ARID4B: variants seen among roughly 807,000 people sequenced by gnomAD.
The protein encoded by ARID4B is AT-rich interactive domain-containing protein 4B.
A neutral mutation model predicts 147.5 loss-of-function variants in ARID4B; 26 were observed. The observed-to-expected ratio is 0.18, with a 90% CI of 0.13 to 0.24. The LOEUF (loss-of-function observed/expected upper bound fraction) is 0.24, where lower values mean the gene tolerates loss of function less well. ARID4B is among the 10% of genes least tolerant of loss of function. The pLI is 1.00. For missense variants in ARID4B, 1,179 were observed against 1,511.5 expected (o/e 0.78, Z 3.65); for synonymous variants, 512 against 507.9 (o/e 1.01, Z -0.11).
At chr1:235,208,396 C>T (rs1666467831) in intron 17 of ARID4B, among the ~76,000 whole-genome samples, 1 of 151,942 alleles carries the variant, frequency 6.6e-6, no homozygotes, top group Admixed American at 6.6e-5. Flanking sequence ...AATAGAGAGC[C>T]TACTATTAAA....
intron 2 of ARID4B, among the ~76,000 whole-genome samples, chr1:235,298,700 T>C (rs1672926488): frequency 6.6e-6 from 1 of 152,010 alleles, no homozygotes; most frequent in African/African-American, 2.4e-5. Context: ...ATATAGCGTT[T>C]CATTCTACTT....
chr1:235,173,768 AAAAATATATATATATATATATATATATAT>A (rs1663592386), intron 22 of ARID4B, among the ~76,000 whole-genome samples: 3 of 44,226 alleles, frequency 6.8e-5, no homozygotes, highest in African/African-American at 4.2e-4. Flanking sequence ...AAAAAAAAAA[AAAAATATATATATATATATATATATATAT>A]ATATATATAT....
intron 9 of ARID4B, among the ~76,000 whole-genome samples, chr1:235,232,972 G>A (rs570539546): frequency 6.6e-6 from 1 of 151,984 alleles, no homozygotes; most frequent in Non-Finnish European, 1.5e-5. Context: ...CTAGTAGCTG[G>A]AATTACAGGC....
intron 2 of ARID4B, among the ~76,000 whole-genome samples, chr1:235,307,652 T>G (rs552294743): frequency 6.6e-6 from 1 of 152,182 alleles, no homozygotes; most frequent in African/African-American, 2.4e-5. Flanking sequence ...GCAGAAGAGA[T>G]AGGTTCTGAA....
chr1:235,202,040 C>T (rs988912327), intron 17 of ARID4B, among the ~76,000 whole-genome samples: 3 of 149,554 alleles, frequency 2.0e-5, no homozygotes, highest in Non-Finnish European at 4.4e-5. Flanking sequence ...ACAATATATA[C>T]ATATATATAC....
intron 2 of ARID4B, among the ~76,000 whole-genome samples, chr1:235,324,477 T>C (rs1159454817): frequency 6.6e-6 from 1 of 152,214 alleles, no homozygotes; most frequent in Non-Finnish European, 1.5e-5. Context: ...TACTACATAA[T>C]CTAACTTTCA....
intron 2 of ARID4B, among the ~76,000 whole-genome samples, chr1:235,318,482 A>G (rs1674595977): frequency 6.6e-6 from 1 of 152,084 alleles, no homozygotes; most frequent in Non-Finnish European, 1.5e-5. Flanking sequence ...AACACTTGCT[A>G]CTTCTTTCAC....
chr1:235,231,278 A>G lies in ARID4B; in HGVS notation c.666-89T>C, dbSNP rs566435266. On this transcript the variant is annotated intron_variant, in intron 9 of 23. Coordinates refer to ENST00000264183, the MANE Select transcript of ARID4B (RefSeq NM_016374.6). ...GAATCCAGATGATTACATATCACAGAAAGATACTGAAAATATGGGAATGTT... is the reference window on the plus strand; with the variant it reads ...GAATCCAGATGATTACATATCACAGGAAGATACTGAAAATATGGGAATGTT... 2.8e-5 allele frequency: 19 copies of G among 679,452 alleles called. No homozygotes were observed. In the South Asian group the frequency reaches 4.1e-4, roughly 15 times the overall value. 42.1% of individuals were successfully genotyped at this position (679,452 alleles called of 1,614,324 possible).
At chr1:235,222,357 C>G (rs1667527535) in intron 13 of ARID4B, among the ~76,000 whole-genome samples, 1 of 152,180 alleles carries the variant, frequency 6.6e-6, no homozygotes, top group African/African-American at 2.4e-5. Flanking sequence ...AAATGCAGTT[C>G]TGCAGAAATT....
chr1:235,260,817 G>T, intron 2 of ARID4B, 65 bp from the exon 3 acceptor site: 2 of 1,109,770 alleles, frequency 1.8e-6, no homozygotes, highest in African/African-American at 1.6e-5. Context: ...TCAGACCTCA[G>T]AATAGTGAGC....
intron 16 of ARID4B, among the ~76,000 whole-genome samples, chr1:235,218,884 G>C (rs1018838083): frequency 5.5e-5 from 2 of 36,094 alleles, no homozygotes; most frequent in African/African-American, 2.0e-4. Context: ...TTTTTTTTTT[G>C]AGACAGAGTC....
Position 235,248,913 on chromosome 1 carries a change from C to T in ARID4B, c.355-2402G>A, listed in dbSNP as rs77966715. Among the ~76,000 whole-genome samples the T allele has an allele frequency of 3.8e-3, 579 of 152,266 alleles. 4 individuals carry two copies. The highest frequency in any genetic ancestry group is 0.013 in the African/African-American group (550 of 41,546). On this transcript the variant is annotated intron_variant, in intron 6 of 23. Transcript: ENST00000264183. The stretch of plus-strand genomic sequence containing the variant: ...TGTATTAAAGGCACATAGAAAACTC[C>T]GTAGGCCTAGAGGGAAAATGTCTAT...
At chr1:235,255,573 G>T (rs1440232516) in intron 5 of ARID4B, 87 bp downstream of exon 5, 15 of 816,418 alleles carry the variant, frequency 1.8e-5, no homozygotes, top group Non-Finnish European at 2.7e-5. Context: ...GTATTAAGAA[G>T]TGAATCCAGG....
intron 4 of ARID4B, among the ~76,000 whole-genome samples, 173 bp from the exon 5 acceptor site, chr1:235,255,923 C>T (rs951902432): frequency 6.6e-6 from 1 of 152,042 alleles, no homozygotes; most frequent in Admixed American, 6.5e-5. Flanking sequence ...CCTGCAATCC[C>T]AGCACTTTGA....
chr1:235,236,545 G>C (rs1007656644), intron 8 of ARID4B, among the ~76,000 whole-genome samples: 1 of 149,826 alleles, frequency 6.7e-6, no homozygotes, highest in African/African-American at 2.5e-5. Context: ...ATGGGGTCTT[G>C]CTCTGTCACT....
At chr1:235,270,813 G>A (rs966660973) in intron 2 of ARID4B, among the ~76,000 whole-genome samples, 11 of 151,772 alleles carry the variant, frequency 7.2e-5, no homozygotes, top group Non-Finnish European at 1.5e-4. Context: ...CTTCTTTGGA[G>A]TAACAGCACT....
In ARID4B at chr1:235,194,067, C is replaced by G. The variant is rs748473888; in HGVS notation, c.2071G>C (p.Asp691His). Reference protein sequence around the residue: ...KLDLTDAKNSDTAHIKSIEIT... With the variant: ...KLDLTDAKNSHTAHIKSIEIT... ...TCTATGGACTTAATATGAGCAGTAT[C>G]AGAGTTTTTGGCATCAGTGAGATCC... The change falls in exon 19 of 24, where the codon GAT becomes CAT. Residue 691 changes from aspartate to histidine, a missense_variant. By Grantham distance (81) the Asp-to-His change is moderately conservative. Coordinates refer to ENST00000264183, the MANE Select transcript of ARID4B (RefSeq NM_016374.6). The G allele has an allele frequency of 3.1e-6, 5 of 1,612,804 alleles. No homozygotes were observed. In the South Asian group the frequency reaches 5.5e-5, roughly 18 times the overall value.
At chr1:235,283,804 C>A (rs1451354661) in intron 2 of ARID4B, among the ~76,000 whole-genome samples, 1 of 152,094 alleles carries the variant, frequency 6.6e-6, no homozygotes, top group South Asian at 2.1e-4. Context: ...GGTGCAATCG[C>A]GGCTCACTGC....
intron 2 of ARID4B, among the ~76,000 whole-genome samples, chr1:235,298,145 A>T (rs1275720365): frequency 6.6e-6 from 1 of 152,218 alleles, no homozygotes; most frequent in Non-Finnish European, 1.5e-5. Flanking sequence ...AAAATGCTAC[A>T]TGGTGAGGGA....
Sources: allele counts gnomAD v4.1 joint callset (sites outside exome capture counted in the v4.1 genomes callset), GRCh38; gene constraint gnomAD v4.1.1; transcripts MANE v1.5; gene names NCBI Gene and HGNC (gene_info 2026-07-23, HGNC 2026-07-21).